Variants in ABCA13 observed in about 807,000 individuals in gnomAD.
ABCA13 encodes the protein ATP binding cassette subfamily A member 13, also known as ATP-binding cassette sub-family A member 13.
ABCA13 carries 476 observed loss-of-function variants against 478.7 expected under a neutral mutation model. That is an observed-to-expected ratio of 0.99 (90% CI 0.92 to 1.07). ABCA13 has a LOEUF of 1.07. ABCA13 is among the 50% of genes least tolerant of loss of function. The pLI, the probability that ABCA13 is intolerant of heterozygous loss-of-function variation, is 0.00. For synonymous variants in ABCA13, 2,252 were observed against 2,158.9 expected (o/e 1.04, Z -1.20); for missense variants, 6,060 against 5,910.6 (o/e 1.03, Z -0.83).
At chr7:48,401,076 T>C (rs1484143971) in intron 38 of ABCA13, among the ~76,000 whole-genome samples, 1 of 152,134 alleles carries the variant, frequency 6.6e-6, no homozygotes, top group African/African-American at 2.4e-5. Context: ...AATGCAGTTC[T>C]TCCACTTAGA....
In ABCA13 at chr7:48,273,634, T is replaced by G. The variant is rs751663150; in HGVS notation, c.3968T>G (p.Ile1323Ser). The G allele has an allele frequency of 2.5e-6, 4 of 1,605,038 alleles. No individual in the cohort carries two copies. The highest frequency in any genetic ancestry group is 2.6e-6 in the Non-Finnish European group (3 of 1,175,056). ...AATTATGGAGAAAAATTTGAAAATA[T>G]CATCACTGAGCTAAGAGAAGCAATA... ...LTNYGEKFEN[I>S]ITELREAIVF... The change falls in exon 17 of 62, where the codon ATC becomes AGC. Residue 1323 changes from isoleucine (I) to serine (S), a missense_variant. Physicochemically the swap from Ile to Ser is moderately radical, Grantham distance 142. Transcript: ENST00000435803.
intron 57 of ABCA13, among the ~76,000 whole-genome samples, chr7:48,590,831 T>A (rs1789655631): frequency 1.3e-5 from 2 of 152,182 alleles, no homozygotes; most frequent in Admixed American, 6.5e-5. Flanking sequence ...TTAATTATTA[T>A]TATTTGCTAT....
chr7:48,475,792 G>C (rs1365351331), intron 45 of ABCA13, among the ~76,000 whole-genome samples: 1 of 152,086 alleles, frequency 6.6e-6, no homozygotes, highest in Non-Finnish European at 1.5e-5. Flanking sequence ...CAAATATGCT[G>C]TGGCTGTCTC....
chr7:48,404,104 C>T (rs1287501013), intron 39 of ABCA13: 1 of 539,824 alleles, frequency 1.9e-6, no homozygotes, highest in Admixed American at 2.3e-5. Context: ...TCAATAACAG[C>T]AATGACATCT....
chr7:48,392,726 G>A (rs1372093324), intron 38 of ABCA13, among the ~76,000 whole-genome samples: 3 of 152,200 alleles, frequency 2.0e-5, no homozygotes, highest in Non-Finnish European at 4.4e-5. Flanking sequence ...GGAGAGACTA[G>A]ATACAGAGTG....
intron 42 of ABCA13, among the ~76,000 whole-genome samples, chr7:48,448,276 T>C (rs552699547): frequency 6.6e-6 from 1 of 152,282 alleles, no homozygotes; most frequent in African/African-American, 2.4e-5. Context: ...TGTGAAGCTG[T>C]TTAGAGACTG....
intron 28 of ABCA13, among the ~76,000 whole-genome samples, chr7:48,336,140 C>T (rs143872067): frequency 0.018 from 2,803 of 152,192 alleles, 33 homozygotes; most frequent in Non-Finnish European, 0.023. Flanking sequence ...GTTTGATTCC[C>T]GGCTCAACCC....
intron 1 of ABCA13, among the ~76,000 whole-genome samples, chr7:48,174,990 A>G (rs1371454542): frequency 6.6e-6 from 1 of 152,224 alleles, no homozygotes; most frequent in African/African-American, 2.4e-5. Flanking sequence ...TTTCTCTTGA[A>G]TAAGTTTCCT....
chr7:48,630,535 A>G (rs890362447), intron 59 of ABCA13, among the ~76,000 whole-genome samples: 1 of 152,120 alleles, frequency 6.6e-6, no homozygotes, highest in Admixed American at 6.6e-5. Flanking sequence ...GTATATATGT[A>G]CCACATTTTC....
chr7:48,331,381 A>G (rs941746837), intron 27 of ABCA13, among the ~76,000 whole-genome samples: 3 of 152,228 alleles, frequency 2.0e-5, no homozygotes, highest in African/African-American at 7.2e-5. Flanking sequence ...TCTGAGCCTC[A>G]TTAGTTCCCT....
chr7:48,597,185 T>C (rs1207625610), intron 58 of ABCA13, among the ~76,000 whole-genome samples: 4 of 152,050 alleles, frequency 2.6e-5, no homozygotes, highest in Non-Finnish European at 4.4e-5. Context: ...CTCCTGACCT[T>C]GTGATCCGCC....
intron 55 of ABCA13, among the ~76,000 whole-genome samples, chr7:48,531,263 T>C (rs1045047415): frequency 2.0e-5 from 3 of 152,148 alleles, no homozygotes; most frequent in South Asian, 2.1e-4. Flanking sequence ...CCCATCTTTA[T>C]GTTTTTTTGT....
At chr7:48,547,834 A>C (rs751356309) in intron 55 of ABCA13, among the ~76,000 whole-genome samples, 4 of 151,896 alleles carry the variant, frequency 2.6e-5, no homozygotes, top group Admixed American at 2.6e-4. Context: ...CACACTTAAG[A>C]TAGGCTAGGA....
At chr7:48,541,652 G>C (rs746045985) in intron 55 of ABCA13, among the ~76,000 whole-genome samples, 3 of 144,486 alleles carry the variant, frequency 2.1e-5, no homozygotes, top group Non-Finnish European at 3.0e-5. Context: ...GACTATTAGA[G>C]AAAACAAAGT....
intron 58 of ABCA13, among the ~76,000 whole-genome samples, chr7:48,611,273 A>G (rs748742328): frequency 6.6e-6 from 1 of 152,246 alleles, no homozygotes; most frequent in South Asian, 2.1e-4. Flanking sequence ...GGTCACAGCA[A>G]TTTAACAAGC....
At chr7:48,222,713 G>A (rs772689243) in intron 5 of ABCA13, among the ~76,000 whole-genome samples, 7 of 152,106 alleles carry the variant, frequency 4.6e-5, no homozygotes, top group Non-Finnish European at 8.8e-5. Context: ...AAAAAGATTT[G>A]TTACAATGAA....
chr7:48,188,653 C>G (rs578097689), intron 1 of ABCA13, among the ~76,000 whole-genome samples: 2 of 151,990 alleles, frequency 1.3e-5, no homozygotes, highest in East Asian at 1.9e-4. Context: ...TCTCTCCCCC[C>G]ACCCCACCCA....
chr7:48,194,457 A>C (rs894553237), intron 2 of ABCA13, among the ~76,000 whole-genome samples: 1 of 152,108 alleles, frequency 6.6e-6, no homozygotes, highest in Admixed American at 6.5e-5. Flanking sequence ...TGATGCTATC[A>C]GTTGTGATGG....
intron 33 of ABCA13, 90 bp from the exon 34 acceptor site, chr7:48,374,257 G>T: frequency 8.4e-7 from 1 of 1,197,602 alleles, no homozygotes; most frequent in Non-Finnish European, 1.2e-6. Context: ...AAGTTGTCAT[G>T]GCTTCGCTCC....
Sources: gnomAD v4.1 joint callset for allele counts (sites outside exome capture counted in the v4.1 genomes callset) on GRCh38, gnomAD v4.1.1 for gene constraint, MANE v1.5 for transcripts, NCBI Gene and HGNC (gene_info 2026-07-23, HGNC 2026-07-21) for gene names.